The following GRK5 variants were observed in gnomAD, a reference collection of about 807,000 sequenced individuals.
GRK5 encodes the protein G protein-coupled receptor kinase 5.
Under a neutral mutation model 78.4 loss-of-function variants are expected in GRK5, and 40 were observed. The observed-to-expected ratio is 0.51, with a 90% CI of 0.40 to 0.66. GRK5 has a LOEUF of 0.66. GRK5 is among the 30% of genes least tolerant of loss of function. The pLI is 0.00. For missense variants in GRK5, 598 were observed against 759.9 expected (o/e 0.79, Z 2.50); for synonymous variants, 289 against 296.8 (o/e 0.97, Z 0.27).
intron 2 of GRK5, among the ~76,000 whole-genome samples, chr10:119,350,123 CTGGAGG>C: frequency 6.6e-6 from 1 of 152,244 alleles, no homozygotes; most frequent in Non-Finnish European, 1.5e-5. Flanking sequence ...TGGGACGGGG[CTGGAGG>C]CCCAGCCCAT....
In GRK5 at chr10:119,423,221, A is replaced by C; in HGVS notation, c.395A>C (p.Lys132Thr). The C allele has an allele frequency of 6.2e-7, 1 of 1,614,148 alleles. No homozygotes were observed. The highest frequency in any genetic ancestry group is 8.5e-7 in the Non-Finnish European group (1 of 1,179,996). Reference protein sequence around the residue: ...GQDLVSQTEEKLLQKPCKELF... With the variant: ...GQDLVSQTEETLLQKPCKELF... ...GACCTGGTCTCCCAGACGGAGGAGA[A>C]GCTCCTACAGAAGCCGTGCAAAGAA... Residue 132 changes from lysine (K) to threonine (T), a missense_variant, in exon 5 of 16, where the codon AAG (lysine) becomes ACG (threonine). Lys to Thr is a moderately conservative substitution (Grantham distance 78, BLOSUM62 -1). Transcript: ENST00000392870.
chr10:119,403,126 T>C (rs1187969340), intron 4 of GRK5, among the ~76,000 whole-genome samples: 1 of 152,176 alleles, frequency 6.6e-6, no homozygotes, highest in African/African-American at 2.4e-5. Context: ...TTCAGACATT[T>C]CATATAAATG....
At chr10:119,348,336 G>A (rs905764458) in intron 2 of GRK5, among the ~76,000 whole-genome samples, 6 of 152,186 alleles carry the variant, frequency 3.9e-5, no homozygotes, top group Admixed American at 3.9e-4. Context: ...GTCTTTTATG[G>A]AACAATTGAA....
intron 1 of GRK5, among the ~76,000 whole-genome samples, chr10:119,245,783 C>T (rs1352822384): frequency 1.6e-4 from 24 of 151,746 alleles, no homozygotes; most frequent in African/African-American, 4.6e-4. Flanking sequence ...TTTGGGAGGC[C>T]GAGGCGGGCG....
chr10:119,449,326 T>C (rs982838358), intron 13 of GRK5, among the ~76,000 whole-genome samples: 3 of 152,200 alleles, frequency 2.0e-5, no homozygotes, highest in African/African-American at 7.2e-5. Flanking sequence ...TCCTTGGAAC[T>C]CTGGCACCCC....
intron 2 of GRK5, among the ~76,000 whole-genome samples, chr10:119,357,271 T>G (rs1170586741): frequency 6.6e-6 from 1 of 152,156 alleles, no homozygotes; most frequent in Non-Finnish European, 1.5e-5. Flanking sequence ...GGGGGTAGGG[T>G]GGGCTGTGGC....
At position 119,412,576 on chromosome 10, in the gene GRK5, C is replaced by G. The variant is rs1171994898; in HGVS notation, c.340-10590C>G. 6.6e-6 allele frequency among the ~76,000 whole-genome samples: 1 copy of G among 152,172 alleles called. No homozygotes were observed. The highest frequency in any genetic ancestry group is 2.4e-5 in the African/African-American group (1 of 41,446). On this transcript the variant is annotated intron_variant, in intron 4 of 15. Coordinates refer to ENST00000392870, the MANE Select transcript of GRK5 (RefSeq NM_005308.3). The surrounding 1 kb of genome is among the most constrained non-coding windows in gnomAD (Gnocchi z 4.3). ...TGTCTGGGGCTTGTGGATCACGTCT[C>G]CTGCCTGGCCATGGACAGAGAAAGG...
At chr10:119,454,653 C>T (rs1351083427) in intron 15 of GRK5, among the ~76,000 whole-genome samples, 2 of 152,174 alleles carry the variant, frequency 1.3e-5, no homozygotes, top group Non-Finnish European at 2.9e-5. Context: ...AATTGCATGC[C>T]CAAGGCCACT....
intron 1 of GRK5, among the ~76,000 whole-genome samples, chr10:119,301,875 C>CT (rs1187158776): frequency 1.3e-5 from 2 of 152,224 alleles, no homozygotes; most frequent in East Asian, 3.9e-4. Flanking sequence ...TGGACCCTGT[C>CT]TTGAGTTCCA....
In GRK5 at chr10:119,436,825, G is replaced by C; in HGVS notation, c.913G>C (p.Glu305Gln). 1 of 1,607,508 alleles carries C rather than the reference G, an allele frequency of 6.2e-7. No homozygotes were observed. The change falls in exon 9 of 16, where the codon GAG becomes CAG. Residue 305 changes from glutamate to glutamine, a missense_variant. Physicochemically the swap from Glu to Gln is conservative, Grantham distance 29. Transcript: ENST00000392870. ...ILCGLEDLHR[E>Q]NTVYRDLKPE... The stretch of plus-strand genomic sequence containing the variant: ...CTGCGGCTTAGAAGACCTCCACCGT[G>C]AGAACACCGTCTACCGGTGAGTGGA...
chr10:119,240,937 C>T (rs1351466174), intron 1 of GRK5, among the ~76,000 whole-genome samples: 1 of 152,194 alleles, frequency 6.6e-6, no homozygotes, highest in African/African-American at 2.4e-5. Context: ...TGCTGCATAT[C>T]TAGAACATCC....
chr10:119,401,043 C>T (rs578070599), intron 4 of GRK5, among the ~76,000 whole-genome samples: 5 of 152,112 alleles, frequency 3.3e-5, no homozygotes, highest in South Asian at 2.1e-4. Flanking sequence ...CCCAGCATGA[C>T]GCTGGACACA....
chr10:119,329,053 A>G (rs1187574107), intron 2 of GRK5, among the ~76,000 whole-genome samples: 1 of 152,228 alleles, frequency 6.6e-6, no homozygotes, highest in Non-Finnish European at 1.5e-5. Context: ...AATAGATGTT[A>G]GTTGGATGAA....
intron 4 of GRK5, among the ~76,000 whole-genome samples, chr10:119,401,243 C>T (rs541487143): frequency 6.6e-6 from 1 of 152,304 alleles, no homozygotes; most frequent in South Asian, 2.1e-4. Flanking sequence ...CTAAGCAATG[C>T]CTATGCCTTG....
At chr10:119,293,992 C>T (rs1056514603) in intron 1 of GRK5, among the ~76,000 whole-genome samples, 1 of 152,132 alleles carries the variant, frequency 6.6e-6, no homozygotes, top group African/African-American at 2.4e-5. Context: ...CCTCCACCCC[C>T]ACCTCTGCTT....
intron 13 of GRK5, among the ~76,000 whole-genome samples, chr10:119,451,315 G>C (rs921162254): frequency 6.6e-6 from 1 of 151,924 alleles, no homozygotes; most frequent in East Asian, 1.9e-4. Context: ...ATGAAAGAGG[G>C]GTTTGGGTGT....
intron 1 of GRK5, among the ~76,000 whole-genome samples, chr10:119,311,286 C>T (rs1426315663): frequency 6.6e-6 from 1 of 152,148 alleles, no homozygotes; most frequent in Non-Finnish European, 1.5e-5. Flanking sequence ...GGGAACCAAA[C>T]AGGGATACCC....
intron 1 of GRK5, among the ~76,000 whole-genome samples, chr10:119,248,807 G>A (rs1849153815): frequency 6.6e-6 from 1 of 152,122 alleles, no homozygotes; most frequent in Non-Finnish European, 1.5e-5. Flanking sequence ...CTCATTTGTG[G>A]ATCTATTATC....
rs1483460580 is a variant in GRK5, at chr10:119,459,308, G to C, written c.*4241G>C. ...CAAGTCAGACCCTGCACAGGCCGGG[G>C]GTGTCTCACCTGGCCTAAACGTAAA... On this transcript the variant is annotated 3_prime_UTR_variant, in exon 16 of 16. Transcript: ENST00000392870. 6.6e-6 allele frequency: 1 copy of C among 152,136 alleles called. No individual in the cohort carries two copies. The highest frequency in any genetic ancestry group is 1.5e-5 in the Non-Finnish European group (1 of 68,042). 9.4% of individuals were successfully genotyped at this position (152,136 alleles called of 1,614,324 possible).
Sources: allele counts gnomAD v4.1 joint callset (sites outside exome capture counted in the v4.1 genomes callset), GRCh38; gene constraint gnomAD v4.1.1; non-coding constraint Gnocchi (gnomAD v3.1); transcripts MANE v1.5; gene names NCBI Gene and HGNC (gene_info 2026-07-23, HGNC 2026-07-21).